Variants in SLX4IP observed in about 807,000 individuals in gnomAD.
SLX4IP encodes protein SLX4IP.
SLX4IP carries 34 observed loss-of-function variants against 32.9 expected under a neutral mutation model. The ratio of observed to expected loss-of-function variants is 1.03; its 90% CI spans 0.79 to 1.38. The LOEUF (loss-of-function observed/expected upper bound fraction) is 1.38. Ranked by LOEUF, SLX4IP falls within the 40% of genes most tolerant of loss-of-function variation. SLX4IP has a pLI of 0.00. For synonymous variants in SLX4IP, 172 were observed against 171.7 expected (o/e 1.00, Z -0.01); for missense variants, 444 against 479.0 (o/e 0.93, Z 0.68).
intron 5 of SLX4IP, 73 bp downstream of exon 5, chr20:10,598,825 A>G: frequency 1.4e-6 from 2 of 1,473,276 alleles, no homozygotes; most frequent in South Asian, 2.3e-5. Context: ...AGGGATGAAA[A>G]TTAAGGAGTG....
intron 4 of SLX4IP, 131 bp from the exon 5 acceptor site, chr20:10,598,544 G>A (rs1201477115): frequency 2.6e-5 from 22 of 853,192 alleles, no homozygotes; most frequent in South Asian, 6.1e-5. Context: ...GATTACAGGC[G>A]TGAGTCATCA....
At chr20:10,534,281 C>T (rs1391000036) in intron 2 of SLX4IP, among the ~76,000 whole-genome samples, 1 of 152,164 alleles carries the variant, frequency 6.6e-6, no homozygotes, top group Non-Finnish European at 1.5e-5. Context: ...TCCTTCCTTT[C>T]TTTCTGCAAT....
At chr20:10,505,881 A>G (rs78773432) in intron 2 of SLX4IP, among the ~76,000 whole-genome samples, 2,010 of 152,124 alleles carry the variant, frequency 0.013, 45 homozygotes, top group African/African-American at 0.046. Flanking sequence ...CTTGCACGGT[A>G]ACATCTTGAT....
chr20:10,497,305 T>G (rs1340989448), intron 2 of SLX4IP, among the ~76,000 whole-genome samples: 1 of 152,192 alleles, frequency 6.6e-6, no homozygotes, highest in Admixed American at 6.5e-5. Flanking sequence ...AAGGCACTCT[T>G]CCATTTTCTG....
chr20:10,601,678 T>C (rs1401209791), intron 5 of SLX4IP, 53 bp from the exon 6 acceptor site: 1 of 1,456,110 alleles, frequency 6.9e-7, no homozygotes, highest in Non-Finnish European at 9.6e-7. Context: ...ACAACCATTC[T>C]GTGTTTATAG....
intron 6 of SLX4IP, among the ~76,000 whole-genome samples, chr20:10,615,030 A>G (rs2067010266): frequency 1.3e-5 from 2 of 152,006 alleles, no homozygotes; most frequent in Admixed American, 6.6e-5. Context: ...TGTTAAATAT[A>G]TATTATTGAA....
At chr20:10,617,728 G>A (rs985993767) in intron 6 of SLX4IP, among the ~76,000 whole-genome samples, 6 of 141,332 alleles carry the variant, frequency 4.2e-5, no homozygotes, top group South Asian at 4.5e-4. Flanking sequence ...GGCTTACTGC[G>A]GCCTTGACCT....
chr20:10,516,438 G>T (rs1350087663), intron 2 of SLX4IP, among the ~76,000 whole-genome samples: 1 of 152,116 alleles, frequency 6.6e-6, no homozygotes, highest in African/African-American at 2.4e-5. Context: ...AAGGTAATGA[G>T]GTTTGTCTTC....
chr20:10,547,974 C>G (rs1029090686), intron 2 of SLX4IP, among the ~76,000 whole-genome samples: 7 of 152,144 alleles, frequency 4.6e-5, no homozygotes, highest in African/African-American at 1.7e-4. Context: ...TTTATAACCT[C>G]CACAGGAGGA....
chr20:10,621,142 A>G (rs999296397), intron 6 of SLX4IP, among the ~76,000 whole-genome samples, 172 bp from the exon 7 acceptor site: 1 of 152,250 alleles, frequency 6.6e-6, no homozygotes, highest in Non-Finnish European at 1.5e-5. Context: ...AAAAGAAGTT[A>G]CAATTAACCA....
intron 2 of SLX4IP, among the ~76,000 whole-genome samples, chr20:10,529,758 C>A (rs1471065101): frequency 6.6e-6 from 1 of 151,992 alleles, no homozygotes; most frequent in Non-Finnish European, 1.5e-5. Flanking sequence ...AGAAAATGTT[C>A]AATTCTAGTC....
intron 6 of SLX4IP, among the ~76,000 whole-genome samples, chr20:10,610,118 T>A (rs2066949199): frequency 1.3e-5 from 2 of 152,258 alleles, no homozygotes; most frequent in East Asian, 1.9e-4. Flanking sequence ...CTAAGGTTGG[T>A]CAGGATATAT....
chr20:10,471,889 A>G (rs910853134), intron 2 of SLX4IP, among the ~76,000 whole-genome samples: 2 of 152,176 alleles, frequency 1.3e-5, no homozygotes, highest in Non-Finnish European at 2.9e-5. Flanking sequence ...TCACTCAGTA[A>G]TCTGGCTTGA....
In SLX4IP at chr20:10,445,627, C is replaced by CT. The variant is rs35240560; in HGVS notation, c.-30+10189dup. On this transcript the variant is annotated intron_variant, in intron 1 of 7. Transcript: ENST00000334534. ...ACCATGCCCAGCCGATGAGATTGCC[C>CT]TTTTTTTTTTTTTTTGAGATGGAGT... Among the ~76,000 whole-genome samples the CT allele has an allele frequency of 6.9e-3, 900 of 131,254 alleles. 11 individuals carry two copies. The highest frequency in any genetic ancestry group is 0.015 in the African/African-American group (516 of 35,266). 86.1% of individuals were successfully genotyped at this position (131,254 alleles called of 152,430 possible).
chr20:10,544,977 C>G (rs963038092), intron 2 of SLX4IP, among the ~76,000 whole-genome samples: 11 of 152,046 alleles, frequency 7.2e-5, no homozygotes, highest in African/African-American at 2.7e-4. Context: ...GCCAGAATCA[C>G]CTGGAGGGCT....
intron 2 of SLX4IP, among the ~76,000 whole-genome samples, chr20:10,479,642 C>CCA (rs74321025): frequency 4.0e-5 from 6 of 151,192 alleles, no homozygotes; most frequent in South Asian, 4.2e-4. Context: ...AGCCACGTCC[C>CCA]GGCTCGAATT....
chr20:10,474,037 G>A (rs761797414), intron 2 of SLX4IP, among the ~76,000 whole-genome samples: 1 of 152,086 alleles, frequency 6.6e-6, no homozygotes, highest in African/African-American at 2.4e-5. Flanking sequence ...TGGCCAGACT[G>A]GTCTCAAACT....
chr20:10,518,148 G>A (rs2065865633), intron 2 of SLX4IP, among the ~76,000 whole-genome samples: 1 of 152,062 alleles, frequency 6.6e-6, no homozygotes, highest in Non-Finnish European at 1.5e-5. Flanking sequence ...TGCACATCCT[G>A]CACATGTACC....
rs543433586 is a variant in SLX4IP at position 10,441,269 on chromosome 20, C to G, written c.-30+5816C>G. Among the ~76,000 whole-genome samples the G allele has an allele frequency of 3.9e-5, 6 of 152,186 alleles. No individual in the cohort carries two copies. In the East Asian group the frequency reaches 1.2e-3, roughly 29 times the overall value. ...TGGGCAATATGGCGAAACCTCATCT[C>G]TACAAAAAATACAAAAATTAGCTGG... On this transcript the variant is annotated intron_variant, in intron 1 of 7. Transcript: ENST00000334534.
Sources: gnomAD v4.1 joint callset for allele counts (sites outside exome capture counted in the v4.1 genomes callset) on GRCh38, gnomAD v4.1.1 for gene constraint, MANE v1.5 for transcripts, NCBI Gene and HGNC (gene_info 2026-07-23, HGNC 2026-07-21) for gene names.